Variants in SPINK1 observed in about 807,000 individuals in gnomAD.
The protein encoded by SPINK1 is serine protease inhibitor Kazal-type 1.
A neutral mutation model predicts 9.5 loss-of-function variants in SPINK1; 5 were observed. That is an observed-to-expected ratio of 0.52 (90% CI 0.27 to 1.10). The LOEUF is 1.10. Ranked by LOEUF, SPINK1 falls within the 50% of genes least tolerant of loss-of-function variation. The pLI is 0.11. For synonymous variants in SPINK1, 37 were observed against 32.3 expected (o/e 1.14, Z -0.49); for missense variants, 88 against 92.7 (o/e 0.95, Z 0.21).
At chr5:147,837,088 T>A in the SPINK1 span, among the ~76,000 whole-genome samples, 1 of 152,172 alleles carries the variant, frequency 6.6e-6, no homozygotes, top group African/African-American at 2.4e-5. Flanking sequence ...ATTTTCATAA[T>A]TTTTCCTCTA....
At chr5:147,825,200 C>T (rs1756378480) in intron 3 of SPINK1, among the ~76,000 whole-genome samples, 1 of 152,148 alleles carries the variant, frequency 6.6e-6, no homozygotes, top group Non-Finnish European at 1.5e-5. Flanking sequence ...AAACATCCTC[C>T]CCTCCAGATA....
chr5:147,826,637 G>A (rs1756409410), intron 3 of SPINK1, among the ~76,000 whole-genome samples: 1 of 152,172 alleles, frequency 6.6e-6, no homozygotes, highest in Admixed American at 6.5e-5. Flanking sequence ...TGAGCTTAAT[G>A]TCAAGAACAT....
chr5:147,837,673 C>A, the SPINK1 span, among the ~76,000 whole-genome samples: 3 of 142,430 alleles, frequency 2.1e-5, no homozygotes, highest in Non-Finnish European at 4.6e-5. Flanking sequence ...TTCTTTCTTT[C>A]TTTCTTTCTT....
chr5:147,826,483 G>A (rs1396385084), intron 3 of SPINK1, among the ~76,000 whole-genome samples: 3 of 152,102 alleles, frequency 2.0e-5, no homozygotes, highest in African/African-American at 7.2e-5. Flanking sequence ...AGGTTTCAGA[G>A]GCTAAGCAGA....
Position 147,824,752 on chromosome 5 carries a change from T to C in SPINK1, c.195-46A>G, listed in dbSNP as rs769385758. 3.8e-6 allele frequency: 6 copies of C among 1,575,706 alleles called. No individual in the cohort carries two copies. In the Admixed American group the frequency reaches 6.7e-5, roughly 18 times the overall value. On this transcript the variant is annotated intron_variant, in intron 3 of 3. Transcript: ENST00000296695. ...AATATATCAGCTTAAACTTCACTGA[T>C]GAAAAAGTGACTATGGGAGAAAAAC...
At chr5:147,825,430 C>CTTTTTTT (rs1561604366) in intron 3 of SPINK1, among the ~76,000 whole-genome samples, 1 of 142,136 alleles carries the variant, frequency 7.0e-6, no homozygotes, top group Non-Finnish European at 1.5e-5. Context: ...TTTTTTTTTT[C>CTTTTTTT]TTTTCTTTTT....
chr5:147,837,649 T>TTTCTTTCTTTC, the SPINK1 span, among the ~76,000 whole-genome samples: 50 of 107,118 alleles, frequency 4.7e-4, no homozygotes, highest in African/African-American at 1.8e-3. Flanking sequence ...CATTAACTTC[T>TTTCTTTCTTTC]TTTCTTTCTT....
At chr5:147,833,645 A>G (rs572115040), upstream of SPINK1, among the ~76,000 whole-genome samples, 4 of 152,322 alleles carry the variant, frequency 2.6e-5, no homozygotes, top group South Asian at 8.3e-4. Flanking sequence ...TATCTAAGAC[A>G]ATGCCATCCT....
upstream of SPINK1, chr5:147,831,741 C>G (rs74352029): frequency 5.5e-3 from 8,049 of 1,474,390 alleles, 395 homozygotes; most frequent in African/African-American, 0.1. Flanking sequence ...TGTGTCATAG[C>G]CTGGCCTCCA....
At chr5:147,834,009 G>T (rs933305076), upstream of SPINK1, among the ~76,000 whole-genome samples, 1 of 152,142 alleles carries the variant, frequency 6.6e-6, no homozygotes, top group African/African-American at 2.4e-5. Context: ...TTCTCAAGAA[G>T]CCATTCTTTC....
chr5:147,831,690 A>G, upstream of SPINK1: 1 of 1,547,750 alleles, frequency 6.5e-7, no homozygotes, highest in Non-Finnish European at 8.7e-7. Context: ...GGCCCCACCT[A>G]CTGGGCTATA....
At chr5:147,829,784 A>G (rs1176910842) in intron 1 of SPINK1, among the ~76,000 whole-genome samples, 154 bp from the exon 2 acceptor site, 6 of 152,204 alleles carry the variant, frequency 3.9e-5, no homozygotes, top group Admixed American at 3.9e-4. Context: ...TTCCAAAAGT[A>G]TCTGACTGAT....
At chr5:147,831,382 C>A in intron 1 of SPINK1, 141 bp downstream of exon 1, 1 of 1,061,700 alleles carries the variant, frequency 9.4e-7, no homozygotes, top group Admixed American at 2.4e-5. Context: ...ATAATTCTTA[C>A]CTGTTGATTT....
chr5:147,829,704 T>C, intron 1 of SPINK1, 74 bp from the exon 2 acceptor site: 2 of 1,351,308 alleles, frequency 1.5e-6, no homozygotes, highest in Non-Finnish European at 2.1e-6. Context: ...CAGAATTCTC[T>C]GCTTTCATTG....
At chr5:147,832,617 C>A (rs1428405360), upstream of SPINK1, among the ~76,000 whole-genome samples, 1 of 152,144 alleles carries the variant, frequency 6.6e-6, no homozygotes, top group Admixed American at 6.5e-5. Flanking sequence ...TCCTTTAACA[C>A]ACTGTACTTT....
At chr5:147,829,484 A>G in intron 2 of SPINK1, 115 bp downstream of exon 2, 2 of 944,118 alleles carry the variant, frequency 2.1e-6, no homozygotes, top group Non-Finnish European at 3.4e-6. Context: ...AACCCTCCCT[A>G]GCATTCATAC....
At chr5:147,828,705 T>C (rs1034954200) in intron 2 of SPINK1, among the ~76,000 whole-genome samples, 61 of 152,314 alleles carry the variant, frequency 4.0e-4, no homozygotes, top group African/African-American at 1.4e-3. Flanking sequence ...CTCCTAACTA[T>C]CCTGTGAACT....
chr5:147,836,465 C>T (rs1261276389), upstream of SPINK1, among the ~76,000 whole-genome samples: 2 of 152,074 alleles, frequency 1.3e-5, no homozygotes, highest in African/African-American at 2.4e-5. Flanking sequence ...TGTTACAGCA[C>T]TTTAAACTGG....
At position 147,824,700 on chromosome 5, in the gene SPINK1, G is replaced by A. The variant is rs767978919; in HGVS notation, c.201C>T (p.Arg67=). The change falls in exon 4 of 4, where the codon CGC becomes CGT. Residue 67 remains arginine (R), a synonymous_variant. Transcript: ENST00000296695. ...ECVLCFENRK[R]QTSILIQKSG... ...ATTTTTGAATGAGGATAGAAGTCTG[G>A]CGTTTCCTGCAGTAGAGATTAAAAA... 3.1e-6 allele frequency: 5 copies of A among 1,613,812 alleles called. No homozygotes were observed. Among genetic ancestry groups the A allele is most frequent in the Admixed American group, 1.7e-5 (1 of 59,978 alleles).
Sources: gnomAD v4.1 joint callset for allele counts (sites outside exome capture counted in the v4.1 genomes callset) on GRCh38, gnomAD v4.1.1 for gene constraint, MANE v1.5 for transcripts, NCBI Gene and HGNC (gene_info 2026-07-23, HGNC 2026-07-21) for gene names.